CCNY: variants seen among roughly 807,000 people sequenced by gnomAD.
CCNY encodes the protein cyclin-Y.
CCNY carries 19 observed loss-of-function variants against 42.8 expected under a neutral mutation model. That is an observed-to-expected ratio of 0.44 (90% CI 0.31 to 0.65). The LOEUF (loss-of-function observed/expected upper bound fraction) is 0.65, where lower values mean the gene tolerates loss of function less well. Among genes scored for constraint, CCNY ranks in the 30% least tolerant of loss-of-function variants. The pLI is 0.07. For missense variants in CCNY, 370 were observed against 437.3 expected, an observed-to-expected ratio of 0.85 and a Z score of 1.37; for synonymous variants, 165 against 162.7, an observed-to-expected ratio of 1.01 and a Z score of -0.11.
intron 1 of CCNY, among the ~76,000 whole-genome samples, chr10:35,480,986 A>G (rs564751678): frequency 1.3e-4 from 20 of 152,220 alleles, no homozygotes; most frequent in Admixed American, 9.8e-4. Flanking sequence ...AAACAAACCA[A>G]TGAAAGTGTT....
intron 2 of CCNY, among the ~76,000 whole-genome samples, chr10:35,500,202 T>G (rs1362355928): frequency 6.6e-6 from 1 of 152,232 alleles, no homozygotes; most frequent in East Asian, 1.9e-4. Context: ...CATGCGTCCA[T>G]CCGATGGCTT....
intron 8 of CCNY, among the ~76,000 whole-genome samples, chr10:35,561,939 T>TG (rs1841474596): frequency 6.6e-6 from 1 of 152,196 alleles, no homozygotes; most frequent in Non-Finnish European, 1.5e-5. Flanking sequence ...AGACCTCATG[T>TG]GGGAAGATGG....
At chr10:35,543,829 A>T (rs939499129) in intron 7 of CCNY, among the ~76,000 whole-genome samples, 1 of 152,198 alleles carries the variant, frequency 6.6e-6, no homozygotes, top group Non-Finnish European at 1.5e-5. Flanking sequence ...GTGGGGCAAG[A>T]TATGGAGGCG....
At chr10:35,386,393 G>T (rs1589080921) in intron 1 of CCNY, among the ~76,000 whole-genome samples, 1 of 152,164 alleles carries the variant, frequency 6.6e-6, no homozygotes, top group African/African-American at 2.4e-5. Context: ...TTAGAAGATG[G>T]CAGGTGAGGA....
In CCNY at chr10:35,560,697, A is replaced by G. The variant is rs908915349; in HGVS notation, c.747-5326A>G. 1.1e-4 allele frequency among the ~76,000 whole-genome samples: 16 copies of G among 152,242 alleles called. No homozygotes were observed. In the East Asian group the frequency reaches 3.1e-3, roughly 29 times the overall value. ...ATCTACATTCTAGGAGCTGCTGGAG[A>G]TATCTGTGGACATAGATGCTGGTGG... On this transcript the variant is annotated intron_variant, in intron 8 of 9. Coordinates refer to ENST00000374704, the MANE Select transcript of CCNY (RefSeq NM_145012.6).
chr10:35,559,645 A>G (rs1458302377), intron 8 of CCNY, among the ~76,000 whole-genome samples: 1 of 152,226 alleles, frequency 6.6e-6, no homozygotes, highest in Non-Finnish European at 1.5e-5. Context: ...GCTTGCACCA[A>G]AGGGCCCAGA....
At chr10:35,402,259 G>A (rs764905607) in intron 1 of CCNY, among the ~76,000 whole-genome samples, 13 of 152,112 alleles carry the variant, frequency 8.5e-5, no homozygotes, top group Non-Finnish European at 1.6e-4. Context: ...GATTGGTGAT[G>A]GCCTGGATGC....
chr10:35,498,261 C>G (rs577967589), intron 2 of CCNY, among the ~76,000 whole-genome samples: 1 of 152,288 alleles, frequency 6.6e-6, no homozygotes, highest in Admixed American at 6.5e-5. Context: ...AAGTTCCAGA[C>G]TCCCAGAAGG....
At chr10:35,412,860 CAAAAAAAAAAAAA>C (rs10558250) in intron 1 of CCNY, among the ~76,000 whole-genome samples, 13 of 34,754 alleles carry the variant, frequency 3.7e-4, no homozygotes, top group Non-Finnish European at 5.9e-4. Context: ...GACTCTGTCT[CAAAAAAAAAAAAA>C]AAAAAAAAAA....
intron 1 of CCNY, among the ~76,000 whole-genome samples, chr10:35,420,793 A>G (rs1342140834): frequency 6.6e-6 from 1 of 152,244 alleles, no homozygotes; most frequent in African/African-American, 2.4e-5. Flanking sequence ...CCTAAGCTGA[A>G]TGTGAACGGA....
upstream of CCNY, among the ~76,000 whole-genome samples, chr10:35,334,346 A>C (rs532288027): frequency 5.9e-5 from 9 of 152,362 alleles, no homozygotes; most frequent in African/African-American, 1.9e-4. Context: ...CAATGACTGG[A>C]TGCTGACTTT....
intron 3 of CCNY, chr10:35,250,999 C>G: frequency 6.6e-6 from 1 of 152,136 alleles, no homozygotes; most frequent in African/African-American, 2.4e-5. Context: ...GTCATCCTTG[C>G]CCAGGGGCCA....
intron 4 of CCNY, among the ~76,000 whole-genome samples, chr10:35,517,638 G>A (rs976427954): frequency 6.6e-6 from 1 of 152,162 alleles, no homozygotes; most frequent in Admixed American, 6.5e-5. Flanking sequence ...AAGGCCGCTT[G>A]GGTAGAGGCT....
intron 1 of CCNY, among the ~76,000 whole-genome samples, chr10:35,460,615 A>G (rs1839137955): frequency 6.6e-6 from 1 of 152,272 alleles, no homozygotes; most frequent in Non-Finnish European, 1.5e-5. Flanking sequence ...TGGAAGAGAA[A>G]AAAGAAAATA....
chr10:35,364,001 A>G (rs1399352325), intron 1 of CCNY, among the ~76,000 whole-genome samples: 2 of 152,186 alleles, frequency 1.3e-5, no homozygotes, highest in Admixed American at 6.5e-5. Flanking sequence ...GTTAAGGGAT[A>G]TTTGTGTTTA....
chr10:35,475,029 C>G (rs1564425559), intron 1 of CCNY, among the ~76,000 whole-genome samples: 1 of 151,994 alleles, frequency 6.6e-6, no homozygotes, highest in Non-Finnish European at 1.5e-5. Context: ...ATGCGATCAA[C>G]TGGAAGAAAG....
At chr10:35,545,677 T>C (rs147254559) in intron 7 of CCNY, among the ~76,000 whole-genome samples, 34 of 152,304 alleles carry the variant, frequency 2.2e-4, no homozygotes, top group African/African-American at 6.0e-4. Context: ...GGGGACACAC[T>C]GTAACCCATA....
chr10:35,508,685 G>GT (rs1840262637), intron 3 of CCNY, among the ~76,000 whole-genome samples: 1 of 152,138 alleles, frequency 6.6e-6, no homozygotes, highest in African/African-American at 2.4e-5. Context: ...ATCCCATAGG[G>GT]TTTTTTCTTG....
intron 1 of CCNY, chr10:35,247,242 C>T (rs1315978602): frequency 1.3e-5 from 2 of 152,866 alleles, no homozygotes; most frequent in Non-Finnish European, 2.9e-5. Flanking sequence ...CTAGCAGAGA[C>T]TGCAGCCAGG....
Sources: gnomAD v4.1 joint callset for allele counts (sites outside exome capture counted in the v4.1 genomes callset) on GRCh38, gnomAD v4.1.1 for gene constraint, MANE v1.5 for transcripts, NCBI Gene and HGNC (gene_info 2026-07-23, HGNC 2026-07-21) for gene names.